MAPK13: variants seen among roughly 807,000 people sequenced by gnomAD.
MAPK13 encodes the protein MAP kinase 13.
A neutral mutation model predicts 53.5 loss-of-function variants in MAPK13; 39 were observed. That is an observed-to-expected ratio of 0.73 (90% confidence interval 0.56 to 0.95). The LOEUF is 0.95. MAPK13 is among the 40% of genes least tolerant of loss of function. The probability of loss-of-function intolerance (pLI) is 0.00; values close to 1 mark genes in which losing one functional copy is unlikely to be tolerated. For synonymous variants in MAPK13, 179 were observed against 190.9 expected (o/e 0.94, Z 0.51); for missense variants, 460 against 471.8 (o/e 0.98, Z 0.23).
intron 2 of MAPK13, among the ~76,000 whole-genome samples, chr6:36,131,799 CAT>C (rs1223346531): frequency 6.6e-6 from 1 of 152,176 alleles, no homozygotes; most frequent in African/African-American, 2.4e-5. Context: ...AAGAGCTCTG[CAT>C]ACACTAACTT....
intron 8 of MAPK13, among the ~76,000 whole-genome samples, chr6:36,137,342 C>T (rs923254213): frequency 4.6e-5 from 7 of 151,974 alleles, no homozygotes; most frequent in African/African-American, 1.5e-4. Flanking sequence ...GGGGAAACCC[C>T]GTATCTACTA....
chr6:36,130,616 C>T lies in MAPK13; in HGVS notation c.34C>T (p.Gln12Ter), dbSNP rs759180926. The change falls in exon 1 of 12, where the codon CAG becomes TAG. Residue 12 changes from glutamine (Q) to a stop codon, truncating the protein, a stop_gained. Coordinates refer to ENST00000211287, the MANE Select transcript of MAPK13 (RefSeq NM_002754.5). LOFTEE classifies it high-confidence loss of function. The surrounding 1 kb of genome is among the most constrained non-coding windows in gnomAD (Gnocchi z 4.5). ...SLIRKKGFYK[Q>*]DVNKTAWELP... is the part of the protein sequence containing the mutation. ...CATCCGGAAAAAGGGCTTCTACAAG[C>T]AGGACGTCAACAAGACAGCCTGGGA... The T allele has an allele frequency of 4.4e-6, 7 of 1,584,644 alleles. No homozygotes were observed. The highest frequency in any genetic ancestry group is 6.0e-6 in the Non-Finnish European group (7 of 1,167,640).
Position 36,138,400 on chromosome 6 carries a change from G to A in MAPK13, c.718G>A (p.Gly240Arg), listed in dbSNP as rs530516205. ...DQLTQILKVT[G>R]VPGTEFVQKL... is the part of the protein sequence containing the mutation. The stretch of plus-strand genomic sequence containing the variant: ...GCTGACCCAGATCCTGAAAGTGACC[G>A]GGGTGCCTGGCACGGAGTTTGTGCA... The change falls in exon 9 of 12, where the codon GGG (glycine) becomes AGG (arginine). Residue 240 changes from glycine to arginine, a missense_variant. By Grantham distance (125) the Gly-to-Arg change is moderately radical (BLOSUM62 -2). Transcript: ENST00000211287. 395 of 1,613,870 alleles carry A rather than the reference G, an allele frequency of 2.4e-4. No individual in the cohort carries two copies. Among genetic ancestry groups the A allele is most frequent in the East Asian group, 4.2e-4 (19 of 44,876 alleles).
At position 36,136,905 on chromosome 6, in the gene MAPK13, A is replaced by G. The variant is rs201346595; in HGVS notation, c.637A>G (p.Met213Val). 3 of 1,614,230 alleles carry G rather than the reference A, an allele frequency of 1.9e-6. No homozygotes were observed. In the African/African-American group the frequency reaches 4.0e-5, roughly 22 times the overall value. ...TVDIWSVGCI[M>V]AEMLTGKTLF... ...GGACATCTGGTCTGTGGGCTGTATC[A>G]TGGCAGAGATGCTGACAGGGAAAAC... is the stretch of plus-strand genomic sequence containing the variant. The change falls in exon 8 of 12, where the codon ATG becomes GTG. Residue 213 changes from methionine to valine, a missense_variant. Physicochemically the swap from Met to Val is conservative, Grantham distance 21. Transcript: ENST00000211287.
At chr6:36,135,028 A>G (rs533721441) in intron 3 of MAPK13, among the ~76,000 whole-genome samples, 153 of 152,314 alleles carry the variant, frequency 1.0e-3, no homozygotes, top group African/African-American at 3.5e-3. Flanking sequence ...GAAAAAAAGA[A>G]AGGAAGAAAG....
Position 36,132,636 on chromosome 6 carries a change from G to A in MAPK13, c.265G>A (p.Asp89Asn). ...TCTTCCCCAGGTCATTGGGCTCCTG[G>A]ATGTCTTCACCCCAGCCTCCTCCCT... ...MQHENVIGLL[D>N]VFTPASSLRN... Residue 89 changes from aspartate to asparagine, a missense_variant, in exon 3 of 12, where the codon GAT (aspartate) becomes AAT (asparagine). By Grantham distance (23) the Asp-to-Asn change is conservative. Transcript: ENST00000211287. 1.2e-6 allele frequency: 2 copies of A among 1,614,202 alleles called. No homozygotes were observed. The highest frequency in any genetic ancestry group is 1.7e-6 in the Non-Finnish European group (2 of 1,180,028).
At chr6:36,136,994 C>A in intron 8 of MAPK13, 44 bp downstream of exon 8, 1 of 1,516,516 alleles carries the variant, frequency 6.6e-7, no homozygotes. Flanking sequence ...GGGATTCCTT[C>A]CTTCAACAGA....
chr6:36,131,683 G>C (rs961368342), intron 2 of MAPK13, among the ~76,000 whole-genome samples: 3 of 152,234 alleles, frequency 2.0e-5, no homozygotes, highest in African/African-American at 7.2e-5. Flanking sequence ...TTGGTTCCAT[G>C]TCTGAGAGCT....
At chr6:36,131,202 G>C in intron 1 of MAPK13, 69 bp from the exon 2 acceptor site, 1 of 1,554,162 alleles carries the variant, frequency 6.4e-7, no homozygotes, top group Non-Finnish European at 8.7e-7. Context: ...CAGTGGGAGG[G>C]GTCAGGGCGG....
In MAPK13 at chr6:36,136,870, CCTCT is replaced by C; in HGVS notation, c.611-8_611-5del. The C allele has an allele frequency of 6.2e-7, 1 of 1,613,978 alleles. No individual in the cohort carries two copies. The highest frequency in any genetic ancestry group is 8.5e-7 in the Non-Finnish European group (1 of 1,179,814). Reference sequence around the variant, plus strand: ...GACAGTCCAGGTGACACTCTCCCTCCCTCTGCAGTGGACATCTGGTCTGTGGGCT... The same window carrying C: ...GACAGTCCAGGTGACACTCTCCCTCCGCAGTGGACATCTGGTCTGTGGGCT... On this transcript the variant is annotated splice_region_variant and splice_polypyrimidine_tract_variant and intron_variant, in intron 7 of 11. Transcript: ENST00000211287.
chr6:36,131,765 CAT>C (rs1231688721), intron 2 of MAPK13, among the ~76,000 whole-genome samples: 1 of 152,188 alleles, frequency 6.6e-6, no homozygotes, highest in African/African-American at 2.4e-5. Context: ...GCAATATACA[CAT>C]ATTGAGCACT....
rs1482201113 is a variant in MAPK13, at chr6:36,135,183, TCTTTG to T, written c.309-565_309-561del. ...TTATTATTTTTTGTCTTTGTCCTGG[TCTTTG>T]CTTTTACTGTAACAGTTACATTTTG... On this transcript the variant is annotated intron_variant, in intron 3 of 11. Coordinates refer to ENST00000211287, the MANE Select transcript of MAPK13 (RefSeq NM_002754.5). Among the ~76,000 whole-genome samples, 5 of 152,328 alleles carry T rather than the reference TCTTTG, an allele frequency of 3.3e-5. No homozygotes were observed. The East Asian group carries it at 9.6e-4, about 29-fold the overall frequency.
chr6:36,136,848 A>C (rs2127486815), intron 7 of MAPK13, 31 bp from the exon 8 acceptor site: 1 of 1,612,872 alleles, frequency 6.2e-7, no homozygotes, highest in Non-Finnish European at 8.5e-7. Flanking sequence ...GGCCCCAGAC[A>C]GTCCAGGTGA....
Position 36,139,647 on chromosome 6 carries a change from G to T in MAPK13, c.*274G>T. 2.2e-6 allele frequency: 1 copy of T among 461,124 alleles called. No homozygotes were observed. 28.6% of individuals were successfully genotyped at this position (461,124 alleles called of 1,614,324 possible). On this transcript the variant is annotated 3_prime_UTR_variant, in exon 12 of 12. Coordinates refer to ENST00000211287, the MANE Select transcript of MAPK13 (RefSeq NM_002754.5). ...CCCGCCAGAGTGGGGCTGAGTGGGC[G>T]CTGAGCCAGGCCGGGGGCCTATGGC...
rs530589669 is a variant in MAPK13 at position 36,132,550 on chromosome 6, G to A, written c.250-71G>A. 16 of 1,411,674 alleles carry A rather than the reference G, an allele frequency of 1.1e-5. No homozygotes were observed. The African/African-American group carries it at 2.3e-4, about 20-fold the overall frequency. 87.4% of individuals were successfully genotyped at this position (1,411,674 alleles called of 1,614,324 possible). A position where few individuals can be genotyped will look rare whatever the true frequency, so the allele number is the denominator to read the frequency against. On this transcript the variant is annotated intron_variant, in intron 2 of 11. Transcript: ENST00000211287. ...GAAAGGGTGGATGGCCCTGTGCATG[G>A]CCAGGGCCCAGGAGGAGGTGGGAGG...
chr6:36,142,320 T>C lies in MAPK13; in HGVS notation c.*2947T>C, dbSNP rs566467874. The stretch of plus-strand genomic sequence containing the variant: ...GCCTTTTTTGCCCAGTGCAGCCCAG[T>C]GCACAGGTCCCGATATTGCCTCTCC... On this transcript the variant is annotated 3_prime_UTR_variant, in exon 12 of 12. Transcript: ENST00000211287. The surrounding 1 kb of genome is among the most constrained non-coding windows in gnomAD (Gnocchi z 4.4). 6.6e-6 allele frequency: 1 copy of C among 152,490 alleles called. No homozygotes were observed. Among genetic ancestry groups the C allele is most frequent in the East Asian group, 1.9e-4 (1 of 5,176 alleles). 9.4% of individuals were successfully genotyped at this position (152,490 alleles called of 1,614,324 possible).
At position 36,135,743 on chromosome 6, in the gene MAPK13, T is replaced by A. The variant is rs1419525852; in HGVS notation, c.309-10T>A. 10 of 1,604,522 alleles carry A rather than the reference T, an allele frequency of 6.2e-6. No homozygotes were observed. Among genetic ancestry groups the A allele is most frequent in the Admixed American group, 1.7e-5 (1 of 59,800 alleles). On this transcript the variant is annotated splice_polypyrimidine_tract_variant and intron_variant, in intron 3 of 11. Coordinates refer to ENST00000211287, the MANE Select transcript of MAPK13 (RefSeq NM_002754.5). ...CCGGCACTGTTCCAAGAACCCCTCATGCCTTCCAGCTACCTGGTGATGCCC... is the reference window on the plus strand; with the variant it reads ...CCGGCACTGTTCCAAGAACCCCTCAAGCCTTCCAGCTACCTGGTGATGCCC...
chr6:36,131,199 A>G (rs1766313121), intron 1 of MAPK13, 72 bp from the exon 2 acceptor site: 17 of 1,527,078 alleles, frequency 1.1e-5, no homozygotes, highest in African/African-American at 4.1e-5. Flanking sequence ...GCCCAGTGGG[A>G]GGGGTCAGGG....
Position 36,139,007 on chromosome 6 carries a change from T to C in MAPK13, c.970T>C (p.Phe324Leu). ...PEEETEAQQP[F>L]DDSLEHEKLT... is the part of the protein sequence containing the mutation. ...GGAAGAGACGGAGGCCCAGCAGCCG[T>C]TTGATGATTCCTTAGAACACGAGAA... Residue 324 changes from phenylalanine to leucine, a missense_variant, in exon 11 of 12, where the codon TTT becomes CTT. Physicochemically the swap from Phe to Leu is conservative, Grantham distance 22. Transcript: ENST00000211287. The C allele has an allele frequency of 6.2e-7, 1 of 1,613,098 alleles. No individual in the cohort carries two copies. Among genetic ancestry groups the C allele is most frequent in the Non-Finnish European group, 8.5e-7 (1 of 1,179,704 alleles).
Sources: allele counts gnomAD v4.1 joint callset (sites outside exome capture counted in the v4.1 genomes callset), GRCh38; gene constraint gnomAD v4.1.1; non-coding constraint Gnocchi (gnomAD v3.1); transcripts MANE v1.5; gene names NCBI Gene and HGNC (gene_info 2026-07-23, HGNC 2026-07-21).